Variants in INPP5D observed in about 807,000 individuals in gnomAD.
INPP5D encodes the protein inositol polyphosphate-5-phosphatase D.
Under a neutral mutation model 122.9 loss-of-function variants are expected in INPP5D, and 33 were observed. The observed-to-expected ratio is 0.27, with a 90% CI of 0.20 to 0.36. The LOEUF (loss-of-function observed/expected upper bound fraction) is 0.36. Among genes scored for constraint, INPP5D ranks in the 10% least tolerant of loss-of-function variants. The pLI, the probability that INPP5D is intolerant of heterozygous loss-of-function variation, is 1.00. For missense variants in INPP5D, 1,053 were observed against 1,412.7 expected (o/e 0.75, Z 4.08); for synonymous variants, 584 against 576.2 (o/e 1.01, Z -0.19).
chr2:233,129,928 G>A (rs1247800478), intron 4 of INPP5D, among the ~76,000 whole-genome samples: 1 of 151,368 alleles, frequency 6.6e-6, no homozygotes, highest in African/African-American at 2.4e-5. Flanking sequence ...GAGAGACAGT[G>A]TCTCACTCTG....
intron 25 of INPP5D, among the ~76,000 whole-genome samples, chr2:233,200,139 G>T (rs950079375): frequency 1.3e-5 from 2 of 152,226 alleles, no homozygotes; most frequent in Admixed American, 6.5e-5. Context: ...TCTGAGTCTA[G>T]AACTGGTTCA....
chr2:233,181,696 C>T (rs1323369390), intron 18 of INPP5D, among the ~76,000 whole-genome samples: 1 of 152,186 alleles, frequency 6.6e-6, no homozygotes, highest in African/African-American at 2.4e-5. Context: ...CACTCTCTCC[C>T]GGTTCTATGA....
chr2:233,191,699 G>A (rs779251201), intron 22 of INPP5D, among the ~76,000 whole-genome samples: 5 of 152,210 alleles, frequency 3.3e-5, no homozygotes, highest in African/African-American at 9.7e-5. Flanking sequence ...CGCAGTGTCC[G>A]TGGAAGAGCT....
intron 11 of INPP5D, 99 bp downstream of exon 11, chr2:233,161,925 C>G (rs1443296000): frequency 6.8e-7 from 1 of 1,481,044 alleles, no homozygotes; most frequent in East Asian, 2.5e-5. Flanking sequence ...ATCCATGTCC[C>G]CTTCCTTCCT....
Position 233,177,270 on chromosome 2 carries a change from G to A in INPP5D, c.1995G>A (p.Lys665=). ...AYTKQKATGM[K]YNLPSWCDRV... is the part of the protein sequence containing the mutation. ...CCTATGACTTTGATTTGCAGATGAA[G>A]TACAACTTGCCTTCCTGGTGTGACC... The change falls in exon 18 of 27, where the codon AAG becomes AAA. Residue 665 remains lysine, a synonymous_variant. Coordinates refer to ENST00000445964, the MANE Select transcript of INPP5D (RefSeq NM_001017915.3). This position sits in a 1 kb window ranked among gnomAD's most constrained non-coding sequence, Gnocchi z 4.2. 1 of 1,613,924 alleles carries A rather than the reference G, an allele frequency of 6.2e-7. No individual in the cohort carries two copies. The highest frequency in any genetic ancestry group is 8.5e-7 in the Non-Finnish European group (1 of 1,179,836).
chr2:233,121,570 C>A (rs1420358937), intron 2 of INPP5D, among the ~76,000 whole-genome samples: 1 of 147,436 alleles, frequency 6.8e-6, no homozygotes, highest in Non-Finnish European at 1.5e-5. Context: ...GGCTGGAGTG[C>A]AGCGGCGCAA....
intron 1 of INPP5D, among the ~76,000 whole-genome samples, chr2:233,061,200 A>T (rs2106373088): frequency 6.6e-6 from 1 of 151,720 alleles, no homozygotes; most frequent in South Asian, 2.1e-4. Context: ...TCTCCTGAGC[A>T]CTTGGCTGTG....
chr2:233,145,744 C>T lies in INPP5D; in HGVS notation c.754-418C>T, dbSNP rs1299617039. ...GGACCTCGGAGGGCAGGGAAGGGGT[C>T]GGGATCATTTTCTCCTCTACGTGGA... On this transcript the variant is annotated intron_variant, in intron 6 of 26. Coordinates refer to ENST00000445964, the MANE Select transcript of INPP5D (RefSeq NM_001017915.3). Among the ~76,000 whole-genome samples the T allele has an allele frequency of 3.3e-5, 5 of 151,842 alleles. No individual in the cohort carries two copies. In the East Asian group the frequency reaches 9.7e-4, roughly 29 times the overall value.
Position 233,146,150 on chromosome 2 carries a change from C to T in INPP5D, c.754-12C>T, listed in dbSNP as rs1693753070. 1.4e-6 allele frequency: 1 copy of T among 704,196 alleles called. No individual in the cohort carries two copies. Among genetic ancestry groups the T allele is most frequent in the Non-Finnish European group, 2.6e-6 (1 of 384,976 alleles). 43.6% of individuals were successfully genotyped at this position (704,196 alleles called of 1,614,324 possible). ...GTGATGCTGCCCTGATCCTCTTTCC[C>T]TCCTCTCCCAGGTTCCTGGTGAGGC... On this transcript the variant is annotated splice_polypyrimidine_tract_variant and intron_variant, in intron 6 of 26. Transcript: ENST00000445964.
chr2:233,106,851 C>T (rs973655002), intron 2 of INPP5D, among the ~76,000 whole-genome samples: 1 of 152,206 alleles, frequency 6.6e-6, no homozygotes, highest in African/African-American at 2.4e-5. Flanking sequence ...AGAGCATTGT[C>T]ATCCTTGTCC....
chr2:233,104,557 G>C (rs971308295), intron 2 of INPP5D, among the ~76,000 whole-genome samples: 1 of 152,114 alleles, frequency 6.6e-6, no homozygotes, highest in African/African-American at 2.4e-5. Flanking sequence ...GAAGCCATGG[G>C]GGGTAGGCTC....
In INPP5D at chr2:233,193,871, CCT is replaced by C; in HGVS notation, c.2510_2511del (p.Leu837HisfsTer29). The C allele has an allele frequency of 6.2e-7, 1 of 1,613,988 alleles. No individual in the cohort carries two copies. The highest frequency in any genetic ancestry group is 8.5e-7 in the Non-Finnish European group (1 of 1,179,888). ...ATETQLPIYT[P>X]LTHHGELTGH... ...AGAAACGCAGCTGCCCATCTACACG[CCT>C]CTCACCCACCATGGGGAGTTGACAG... On this transcript the variant is annotated frameshift_variant, in exon 23 of 27. Transcript: ENST00000445964. LOFTEE classifies it high-confidence loss of function.
In INPP5D at chr2:233,170,015, C is replaced by A; in HGVS notation, c.1653-11C>A. On this transcript the variant is annotated splice_polypyrimidine_tract_variant and intron_variant, in intron 14 of 26. Coordinates refer to ENST00000445964, the MANE Select transcript of INPP5D (RefSeq NM_001017915.3). This position sits in a 1 kb window ranked among gnomAD's most constrained non-coding sequence, Gnocchi z 4.5. Reference sequence around the variant, plus strand: ...ACCCCGTGCTAGATGGCCGCTTTTTCCTTGCATTAGGCGAAACCAAAACTA... The same window carrying A: ...ACCCCGTGCTAGATGGCCGCTTTTTACTTGCATTAGGCGAAACCAAAACTA... 1 of 1,613,860 alleles carries A rather than the reference C, an allele frequency of 6.2e-7. No individual in the cohort carries two copies. The highest frequency in any genetic ancestry group is 8.5e-7 in the Non-Finnish European group (1 of 1,179,846).
intron 18 of INPP5D, among the ~76,000 whole-genome samples, chr2:233,178,563 AC>A (rs1694704691): frequency 6.6e-6 from 1 of 151,630 alleles, no homozygotes; most frequent in African/African-American, 2.4e-5. Context: ...GCTCCCTGCA[AC>A]CTCCGCCTGC....
At chr2:233,090,976 AAAG>A (rs912920136) in intron 2 of INPP5D, among the ~76,000 whole-genome samples, 2 of 152,058 alleles carry the variant, frequency 1.3e-5, no homozygotes, top group African/African-American at 2.4e-5. Context: ...AAAAAAAAAA[AAAG>A]AAGTAACTTG....
At chr2:233,095,378 G>A (rs1692108569) in intron 2 of INPP5D, among the ~76,000 whole-genome samples, 1 of 152,188 alleles carries the variant, frequency 6.6e-6, no homozygotes, top group South Asian at 2.1e-4. Flanking sequence ...CCAGCACTTT[G>A]GGAGACCGAG....
At chr2:233,200,099 G>T (rs1302938710) in intron 25 of INPP5D, among the ~76,000 whole-genome samples, 1 of 152,192 alleles carries the variant, frequency 6.6e-6, no homozygotes, top group Non-Finnish European at 1.5e-5. Context: ...CTGAAACTCT[G>T]GGGAAGCCCC....
intron 4 of INPP5D, among the ~76,000 whole-genome samples, chr2:233,129,191 A>C (rs148412203): frequency 2.6e-5 from 4 of 152,170 alleles, no homozygotes; most frequent in African/African-American, 9.6e-5. Context: ...TAAATAAATA[A>C]ATGAAGGCTT....
chr2:233,179,776 T>C (rs1426835349), intron 18 of INPP5D, among the ~76,000 whole-genome samples: 3 of 151,788 alleles, frequency 2.0e-5, no homozygotes, highest in Non-Finnish European at 4.4e-5. Context: ...GAAAAGGGAG[T>C]GAATGTCCAG....
Sources: gnomAD v4.1 joint callset for allele counts (sites outside exome capture counted in the v4.1 genomes callset) on GRCh38, gnomAD v4.1.1 for gene constraint, Gnocchi (gnomAD v3.1) non-coding constraint, MANE v1.5 for transcripts, NCBI Gene and HGNC (gene_info 2026-07-23, HGNC 2026-07-21) for gene names.